Variants in SAMD4A observed in about 807,000 individuals in gnomAD.
SAMD4A encodes sterile alpha motif domain containing 4A.
In SAMD4A, 33 loss-of-function variants were observed where a neutral mutation model predicts 81.3. That is an observed-to-expected ratio of 0.41 (90% CI 0.31 to 0.54). The LOEUF (loss-of-function observed/expected upper bound fraction) is 0.54, where lower values mean the gene tolerates loss of function less well. SAMD4A is among the 20% of genes least tolerant of loss of function. The probability of loss-of-function intolerance (pLI) is 0.37; values close to 1 mark genes in which losing one functional copy is unlikely to be tolerated. For synonymous variants in SAMD4A, 389 were observed against 382.1 expected (o/e 1.02, Z -0.21); for missense variants, 854 against 951.1 (o/e 0.90, Z 1.34).
intron 7 of SAMD4A, among the ~76,000 whole-genome samples, chr14:54,762,356 A>T (rs2038422291): frequency 6.6e-6 from 1 of 152,214 alleles, no homozygotes; most frequent in African/African-American, 2.4e-5. Context: ...CATTTTAAAA[A>T]ACCAAGTTTG....
chr14:54,690,522 G>A (rs1458344185), intron 2 of SAMD4A, among the ~76,000 whole-genome samples: 2 of 151,996 alleles, frequency 1.3e-5, no homozygotes, highest in Non-Finnish European at 2.9e-5. Context: ...AGTGTTGCCT[G>A]TTGGTTCTAG....
chr14:54,641,384 A>T (rs1594764049), intron 2 of SAMD4A, among the ~76,000 whole-genome samples: 1 of 152,224 alleles, frequency 6.6e-6, no homozygotes, highest in African/African-American at 2.4e-5. Flanking sequence ...CCTACAGATC[A>T]CAACCTAGTC....
intron 2 of SAMD4A, among the ~76,000 whole-genome samples, chr14:54,640,136 C>T (rs143873118): frequency 8.5e-5 from 13 of 152,228 alleles, no homozygotes; most frequent in Middle Eastern, 3.4e-3. Context: ...GGCCCTCCCC[C>T]GAAGAAACAA....
chr14:54,728,039 G>C (rs2037470064), intron 3 of SAMD4A, among the ~76,000 whole-genome samples: 1 of 152,148 alleles, frequency 6.6e-6, no homozygotes, highest in African/African-American at 2.4e-5. Context: ...AATGAATGCT[G>C]TTCAATTCCT....
chr14:54,681,719 A>G (rs1396121540), intron 2 of SAMD4A: 1 of 891,266 alleles, frequency 1.1e-6, no homozygotes, highest in Non-Finnish European at 1.3e-6. Flanking sequence ...GGTGTGAGCC[A>G]CCACGCCCTG....
intron 2 of SAMD4A, among the ~76,000 whole-genome samples, chr14:54,597,209 T>G (rs537466665): frequency 5.9e-5 from 9 of 152,068 alleles, no homozygotes; most frequent in Admixed American, 1.3e-4. Flanking sequence ...TAGGTAGGCA[T>G]GCTTCAGTTT....
At chr14:54,622,948 C>T (rs188300118) in intron 2 of SAMD4A, among the ~76,000 whole-genome samples, 39 of 152,282 alleles carry the variant, frequency 2.6e-4, no homozygotes, top group Non-Finnish European at 4.0e-4. Context: ...CATCTTAGGC[C>T]GATCGGTCTG....
At chr14:54,764,354 C>T in intron 7 of SAMD4A, 101 bp from the exon 8 acceptor site, 3 of 785,240 alleles carry the variant, frequency 3.8e-6, no homozygotes, top group Non-Finnish European at 6.4e-6. Flanking sequence ...CACAGACACA[C>T]ATACCTCTCA....
At chr14:54,757,976 G>A (rs919086981) in intron 6 of SAMD4A, among the ~76,000 whole-genome samples, 1 of 152,230 alleles carries the variant, frequency 6.6e-6, no homozygotes, top group African/African-American at 2.4e-5. Flanking sequence ...ACATGATGGT[G>A]TCTAGATGCT....
intron 9 of SAMD4A, among the ~76,000 whole-genome samples, chr14:54,771,308 C>T (rs2038699527): frequency 6.6e-6 from 1 of 152,224 alleles, no homozygotes; most frequent in Non-Finnish European, 1.5e-5. Context: ...ATTTAATCCT[C>T]ATGACAACCA....
At chr14:54,613,422 T>C (rs1387197722) in intron 2 of SAMD4A, among the ~76,000 whole-genome samples, 1 of 152,188 alleles carries the variant, frequency 6.6e-6, no homozygotes, top group Non-Finnish European at 1.5e-5. Flanking sequence ...TTTAAAGGGC[T>C]AGGGCTGGTT....
At chr14:54,623,072 C>G (rs527486028) in intron 2 of SAMD4A, among the ~76,000 whole-genome samples, 1 of 152,200 alleles carries the variant, frequency 6.6e-6, no homozygotes, top group Non-Finnish European at 1.5e-5. Context: ...CTCCCAGCTC[C>G]CATGAGTGCA....
chr14:54,590,612 C>G (rs1227783562), intron 2 of SAMD4A, among the ~76,000 whole-genome samples: 1 of 152,180 alleles, frequency 6.6e-6, no homozygotes, highest in Non-Finnish European at 1.5e-5. Flanking sequence ...CTCTCCTCTC[C>G]TCTCTTCTCC....
rs751889557 is a variant in SAMD4A at position 54,793,044 on chromosome 14, T to C, written c.*4100T>C. On this transcript the variant is annotated 3_prime_UTR_variant, in exon 13 of 13. Transcript: ENST00000554335. Reference sequence around the variant, plus strand: ...CTAGTTCATGTTGCCAAGCAATGCATATTTTTTAAATTTGTCATATATGGA... The same window carrying C: ...CTAGTTCATGTTGCCAAGCAATGCACATTTTTTAAATTTGTCATATATGGA... The C allele has an allele frequency of 6.6e-6, 1 of 152,252 alleles. No individual in the cohort carries two copies. The highest frequency in any genetic ancestry group is 2.4e-5 in the African/African-American group (1 of 41,462). 9.4% of individuals were successfully genotyped at this position (152,252 alleles called of 1,614,324 possible). A position where few individuals can be genotyped will look rare whatever the true frequency, so the allele number is the denominator to read the frequency against.
At chr14:54,655,164 C>G (rs1261889493) in intron 2 of SAMD4A, among the ~76,000 whole-genome samples, 1 of 152,186 alleles carries the variant, frequency 6.6e-6, no homozygotes, top group Non-Finnish European at 1.5e-5. Flanking sequence ...ACAAAAATAT[C>G]AGCTCATTAT....
At chr14:54,672,918 G>A (rs2035915728) in intron 2 of SAMD4A, among the ~76,000 whole-genome samples, 1 of 152,194 alleles carries the variant, frequency 6.6e-6, no homozygotes, top group Non-Finnish European at 1.5e-5. Flanking sequence ...TAACAGTTAG[G>A]AGAGTGATTT....
intron 3 of SAMD4A, among the ~76,000 whole-genome samples, chr14:54,725,466 GT>G (rs1285936159): frequency 6.6e-6 from 1 of 152,218 alleles, no homozygotes; most frequent in East Asian, 1.9e-4. Context: ...GCAAGGTGAA[GT>G]TTCTCTTCAG....
At chr14:54,721,549 C>T (rs2037262140) in intron 3 of SAMD4A, among the ~76,000 whole-genome samples, 1 of 152,148 alleles carries the variant, frequency 6.6e-6, no homozygotes, top group Admixed American at 6.5e-5. Flanking sequence ...ATCTTCCCAC[C>T]ATAACTCTCA....
At chr14:54,693,363 T>A (rs2036499609) in intron 2 of SAMD4A, 1 of 152,144 alleles carries the variant, frequency 6.6e-6, no homozygotes, top group Admixed American at 6.5e-5. Flanking sequence ...ACCTAACATT[T>A]TGAAGAAATC....
Sources: allele counts gnomAD v4.1 joint callset (sites outside exome capture counted in the v4.1 genomes callset), GRCh38; gene constraint gnomAD v4.1.1; transcripts MANE v1.5; gene names NCBI Gene and HGNC (gene_info 2026-07-23, HGNC 2026-07-21).